SUPV3L1: variants seen among roughly 807,000 people sequenced by gnomAD.
The protein encoded by SUPV3L1 is ATP-dependent RNA helicase SUPV3L1, mitochondrial.
SUPV3L1 carries 35 observed loss-of-function variants against 70.0 expected under a neutral mutation model. The ratio of observed to expected loss-of-function variants is 0.50; its 90% CI spans 0.38 to 0.66. SUPV3L1 has a LOEUF of 0.66. Ranked by LOEUF, SUPV3L1 falls within the 30% of genes least tolerant of loss-of-function variation. The probability of loss-of-function intolerance (pLI) is 0.00; values close to 1 mark genes in which losing one functional copy is unlikely to be tolerated. For missense variants in SUPV3L1, 777 were observed against 961.5 expected (o/e 0.81, Z 2.54); for synonymous variants, 364 against 341.9 (o/e 1.06, Z -0.71).
At chr10:69,202,058 C>G (rs1842696695) in intron 11 of SUPV3L1, among the ~76,000 whole-genome samples, 1 of 147,380 alleles carries the variant, frequency 6.8e-6, no homozygotes, top group Non-Finnish European at 1.5e-5. Context: ...GCAGGATGGT[C>G]TCAATCTCCT....
chr10:69,193,342 A>T (rs1443699807), intron 6 of SUPV3L1: 1 of 152,190 alleles, frequency 6.6e-6, no homozygotes, highest in Non-Finnish European at 1.5e-5. Flanking sequence ...TAAAAAATCA[A>T]TACATTATAA....
chr10:69,193,867 G>A (rs1842466408), intron 6 of SUPV3L1, among the ~76,000 whole-genome samples: 1 of 152,144 alleles, frequency 6.6e-6, no homozygotes, highest in Non-Finnish European at 1.5e-5. Context: ...AATAGAATAA[G>A]GTATTTGGAA....
intron 1 of SUPV3L1, among the ~76,000 whole-genome samples, chr10:69,181,897 A>G (rs1316363432): frequency 6.6e-6 from 1 of 152,128 alleles, no homozygotes; most frequent in East Asian, 1.9e-4. Context: ...ATAGCAGAGA[A>G]TGTGTTATTT....
chr10:69,185,387 G>A (rs1354405405), intron 1 of SUPV3L1, among the ~76,000 whole-genome samples: 3 of 152,126 alleles, frequency 2.0e-5, no homozygotes, highest in African/African-American at 7.2e-5. Context: ...TGACAGTGTG[G>A]CTCTCTACCT....
At chr10:69,204,683 T>C (rs1391815761) in intron 13 of SUPV3L1, among the ~76,000 whole-genome samples, 1 of 152,216 alleles carries the variant, frequency 6.6e-6, no homozygotes, top group Non-Finnish European at 1.5e-5. Context: ...TGTGTGTATC[T>C]TTGCAGACTG....
At chr10:69,200,026 G>A (rs753040815) in intron 10 of SUPV3L1, among the ~76,000 whole-genome samples, 2 of 151,832 alleles carry the variant, frequency 1.3e-5, no homozygotes, top group Non-Finnish European at 2.9e-5. Flanking sequence ...TTAATTTTTT[G>A]TAGAGACTTG....
At position 69,180,265 on chromosome 10, in the gene SUPV3L1, CCAGA is replaced by C. The variant is rs1435440588; in HGVS notation, c.-23_-20del. Reference sequence around the variant, plus strand: ...GTCCGCCGCCGTGTCCGCGGCTGCGCCAGACAGTGTAGAACCTGCGGCCTCGATG... The same window carrying C: ...GTCCGCCGCCGTGTCCGCGGCTGCGCCAGTGTAGAACCTGCGGCCTCGATG... On this transcript the variant is annotated 5_prime_UTR_variant, in exon 1 of 15. Transcript: ENST00000359655. The C allele has an allele frequency of 7.5e-6, 12 of 1,603,100 alleles. No individual in the cohort carries two copies. In the African/African-American group the frequency reaches 1.3e-4, roughly 18 times the overall value.
In SUPV3L1 at chr10:69,208,602, A is replaced by G. The variant is rs765654454; in HGVS notation, c.1928A>G (p.Tyr643Cys). The change falls in exon 15 of 15, where the codon TAC becomes TGC. Residue 643 changes from tyrosine (Y) to cysteine (C), a missense_variant and splice_region_variant. Transcript: ENST00000359655. ...DVLDLYLWLS[Y>C]RFMDMFPDAS... Reference sequence around the variant, plus strand: ...ATGCTAATGTGTCTTTTTCCCAGCTACCGATTTATGGATATGTTTCCAGAT... The same window carrying G: ...ATGCTAATGTGTCTTTTTCCCAGCTGCCGATTTATGGATATGTTTCCAGAT... 1 of 1,609,198 alleles carries G rather than the reference A, an allele frequency of 6.2e-7. No individual in the cohort carries two copies. The highest frequency in any genetic ancestry group is 1.3e-5 in the African/African-American group (1 of 74,720).
intron 13 of SUPV3L1, among the ~76,000 whole-genome samples, chr10:69,206,580 A>G (rs1842834880): frequency 6.6e-6 from 1 of 152,202 alleles, no homozygotes; most frequent in Non-Finnish European, 1.5e-5. Flanking sequence ...CAGGGCTGTG[A>G]TGTCTCACGT....
Position 69,197,055 on chromosome 10 carries a change from T to G in SUPV3L1, c.995T>G (p.Leu332Arg). The change falls in exon 8 of 15, where the codon CTT becomes CGT. Residue 332 changes from leucine (L) to arginine (R), a missense_variant. Coordinates refer to ENST00000359655, the MANE Select transcript of SUPV3L1 (RefSeq NM_003171.5). ...GCTGCTATTGACCTGGTGATGGAGC[T>G]TATGTACACAACGGGGGAGGAAGTG... ...EPAAIDLVME[L>R]MYTTGEEVEV... 6.2e-7 allele frequency: 1 copy of G among 1,614,096 alleles called. No individual in the cohort carries two copies. The highest frequency in any genetic ancestry group is 8.5e-7 in the Non-Finnish European group (1 of 1,180,010).
chr10:69,194,116 C>T (rs79229724), intron 6 of SUPV3L1, among the ~76,000 whole-genome samples: 6,083 of 152,214 alleles, frequency 0.04, 162 homozygotes, highest in Non-Finnish European at 0.055. Context: ...TGATAGTTCT[C>T]ATCAGAGAAA....
intron 1 of SUPV3L1, among the ~76,000 whole-genome samples, chr10:69,183,645 A>G (rs866201746): frequency 1.3e-5 from 2 of 152,022 alleles, no homozygotes; most frequent in Admixed American, 6.6e-5. Context: ...TTGCACCACC[A>G]CACTCCAGCC....
chr10:69,205,830 C>T (rs1351473731), intron 13 of SUPV3L1, among the ~76,000 whole-genome samples: 2 of 152,174 alleles, frequency 1.3e-5, no homozygotes, highest in African/African-American at 2.4e-5. Context: ...CCACCACACC[C>T]GGCCGCTCCG....
Position 69,200,460 on chromosome 10 carries a change from A to G in SUPV3L1, c.1479A>G (p.Leu493=). 6.2e-7 allele frequency: 1 copy of G among 1,614,144 alleles called. No homozygotes were observed. The highest frequency in any genetic ancestry group is 8.5e-7 in the Non-Finnish European group (1 of 1,180,022). ...VTTMNHEDLS[L]LKEILKRPVD... ...CAATGAATCATGAAGATCTCAGTTT[A>G]TTAAAGGAAATTTTGAAGAGGCCTG... Residue 493 remains leucine, a synonymous_variant, in exon 11 of 15, where the codon TTA becomes TTG. Coordinates refer to ENST00000359655, the MANE Select transcript of SUPV3L1 (RefSeq NM_003171.5).
intron 7 of SUPV3L1, among the ~76,000 whole-genome samples, chr10:69,196,120 A>G (rs1842535840): frequency 6.6e-6 from 1 of 152,166 alleles, no homozygotes; most frequent in Non-Finnish European, 1.5e-5. Flanking sequence ...ATAGACATGA[A>G]TGAACATTTC....
intron 7 of SUPV3L1, 31 bp from the exon 8 acceptor site, chr10:69,196,961 A>C (rs1169739195): frequency 4.4e-6 from 7 of 1,589,986 alleles, no homozygotes; most frequent in Non-Finnish European, 3.5e-6. Context: ...ATAAATCTTT[A>C]AAATTAAGAA....
At chr10:69,202,381 T>G in intron 11 of SUPV3L1, 58 bp from the exon 12 acceptor site, 1 of 1,507,798 alleles carries the variant, frequency 6.6e-7, no homozygotes, top group Non-Finnish European at 9.1e-7. Context: ...CTTAAGAAAA[T>G]TTGTCCTTTT....
chr10:69,180,902 C>G (rs1168978585), intron 1 of SUPV3L1, among the ~76,000 whole-genome samples: 1 of 152,136 alleles, frequency 6.6e-6, no homozygotes, highest in East Asian at 1.9e-4. Flanking sequence ...TCTCCCACCC[C>G]CGAATGGGAT....
In SUPV3L1 at chr10:69,208,678, T is replaced by C. The variant is rs771879377; in HGVS notation, c.2004T>C (p.Asp668=). 5 of 1,614,194 alleles carry C rather than the reference T, an allele frequency of 3.1e-6. No homozygotes were observed. The South Asian group carries it at 5.5e-5, about 18-fold the overall frequency. ...LQKELDGIIQ[D]GVHNITKLIK... ...AAGAACTAGATGGTATTATCCAAGA[T>C]GGTGTGCACAATATCACTAAATTGA... Residue 668 remains aspartate, a synonymous_variant, in exon 15 of 15, where the codon GAT becomes GAC. Coordinates refer to ENST00000359655, the MANE Select transcript of SUPV3L1 (RefSeq NM_003171.5).
Sources: allele counts gnomAD v4.1 joint callset (sites outside exome capture counted in the v4.1 genomes callset), GRCh38; gene constraint gnomAD v4.1.1; transcripts MANE v1.5; gene names NCBI Gene and HGNC (gene_info 2026-07-23, HGNC 2026-07-21).